EIF4G3: variants seen among roughly 807,000 people sequenced by gnomAD.
EIF4G3 encodes eukaryotic translation initiation factor 4 gamma 3.
Under a neutral mutation model 186.4 loss-of-function variants are expected in EIF4G3, and 34 were observed. The ratio of observed to expected loss-of-function variants is 0.18; its 90% confidence interval spans 0.14 to 0.24. The LOEUF is 0.24. EIF4G3 is among the 10% of genes least tolerant of loss of function. EIF4G3 has a pLI of 1.00. For synonymous variants in EIF4G3, 673 were observed against 679.5 expected, an observed-to-expected ratio of 0.99 and a Z score of 0.15; for missense variants, 1,536 against 1,948.5, an observed-to-expected ratio of 0.79 and a Z score of 3.99.
At chr1:20,906,423 T>G (rs2092111672) in intron 14 of EIF4G3, among the ~76,000 whole-genome samples, 1 of 152,220 alleles carries the variant, frequency 6.6e-6, no homozygotes. Flanking sequence ...GAATCTGTAA[T>G]TTTATTTTGT....
In EIF4G3 at chr1:21,052,960, G is replaced by GC. The variant is rs2094328104; in HGVS notation, c.-195-1967dup. ...CTCCACCTCCCAGCTGCCTGCCTTG[G>GC]CCCCGCAAAGTGCCGAGATTGCAGC... On this transcript the variant is annotated intron_variant, in intron 3 of 36. Transcript: ENST00000602326. Among the ~76,000 whole-genome samples, 7 of 152,224 alleles carry GC rather than the reference G, an allele frequency of 4.6e-5. 1 individual carries two copies. In the South Asian group the frequency reaches 1.4e-3, roughly 32 times the overall value.
intron 3 of EIF4G3, among the ~76,000 whole-genome samples, chr1:21,085,333 T>C (rs908431793): frequency 6.6e-6 from 1 of 152,180 alleles, no homozygotes; most frequent in Non-Finnish European, 1.5e-5. Flanking sequence ...TTTTGCATAG[T>C]ACTTTTTGAA....
At chr1:21,072,842 G>A (rs1439979120) in intron 3 of EIF4G3, among the ~76,000 whole-genome samples, 1 of 152,132 alleles carries the variant, frequency 6.6e-6, no homozygotes, top group Admixed American at 6.5e-5. Context: ...TGTAAGAATA[G>A]AATACTTACT....
chr1:20,901,235 G>A (rs981610872), intron 15 of EIF4G3, among the ~76,000 whole-genome samples: 15 of 152,008 alleles, frequency 9.9e-5, no homozygotes, highest in Non-Finnish European at 1.5e-4. Flanking sequence ...CAGAAAGTAG[G>A]TATCATTTAA....
At chr1:21,065,603 A>C (rs2320826) in intron 3 of EIF4G3, among the ~76,000 whole-genome samples, 66,100 of 151,384 alleles carry the variant, frequency 0.44, 14,763 homozygotes, top group Non-Finnish European at 0.47. Flanking sequence ...AAAAAATGAG[A>C]ATGGGTTTTG....
At chr1:20,943,965 T>G (rs2095817137) in intron 13 of EIF4G3, among the ~76,000 whole-genome samples, 1 of 24,138 alleles carries the variant, frequency 4.1e-5, no homozygotes, top group Non-Finnish European at 1.2e-4. Flanking sequence ...AAACTTGTCT[T>G]TATTTTTTTT....
At chr1:20,918,843 C>A (rs377725700) in intron 14 of EIF4G3, among the ~76,000 whole-genome samples, 1 of 151,702 alleles carries the variant, frequency 6.6e-6, no homozygotes, top group East Asian at 1.9e-4. Context: ...CTGCACCCAG[C>A]CTATACTAGT....
In EIF4G3 at chr1:20,827,609, A is replaced by G; in HGVS notation, c.4269+8T>C. ...ACTGTTGAGTCTGACACTCAGTGTA[A>G]CACTCACCATTTGTTTGCATAGTAG... On this transcript the variant is annotated splice_region_variant and intron_variant, in intron 32 of 36. Coordinates refer to ENST00000602326, the MANE Select transcript of EIF4G3 (RefSeq NM_001391906.1). The G allele has an allele frequency of 6.4e-7, 1 of 1,573,086 alleles. No individual in the cohort carries two copies. Among genetic ancestry groups the G allele is most frequent in the East Asian group, 2.2e-5 (1 of 44,620 alleles).
intron 2 of EIF4G3, among the ~76,000 whole-genome samples, chr1:21,106,152 C>G (rs1374781175): frequency 6.6e-6 from 1 of 150,788 alleles, no homozygotes; most frequent in East Asian, 2.0e-4. Flanking sequence ...GAAGCTACAT[C>G]ACTGAGAGGC....
chr1:21,052,612 G>C (rs1057164734), intron 3 of EIF4G3, among the ~76,000 whole-genome samples: 1 of 151,238 alleles, frequency 6.6e-6, no homozygotes, highest in Non-Finnish European at 1.5e-5. Flanking sequence ...CTCTTTCCAC[G>C]GTCTCCCCCT....
At chr1:20,890,012 A>C (rs2085487645) in intron 18 of EIF4G3, among the ~76,000 whole-genome samples, 1 of 150,798 alleles carries the variant, frequency 6.6e-6, no homozygotes, top group African/African-American at 2.4e-5. Context: ...TTGCTTTGTC[A>C]CCCAGGCTGG....
chr1:21,155,442 T>C (rs1316542778), intron 2 of EIF4G3, among the ~76,000 whole-genome samples: 1 of 152,156 alleles, frequency 6.6e-6, no homozygotes, highest in Non-Finnish European at 1.5e-5. Flanking sequence ...AAATCTTTTA[T>C]TGAAAACTCC....
intron 4 of EIF4G3, among the ~76,000 whole-genome samples, chr1:21,023,724 C>T (rs75867710): frequency 0.027 from 4,106 of 150,030 alleles, 84 homozygotes; most frequent in Non-Finnish European, 0.038. Flanking sequence ...CGCCCATCGT[C>T]TGGGATGTGA....
In EIF4G3 at chr1:21,163,657, T is replaced by C. The variant is rs965913017; in HGVS notation, c.-272+12518A>G. ...ATCCAAAACAAATAAACTGTTTTTA[T>C]TACACCTAAGGGTAACAAAATAACC... is the stretch of plus-strand genomic sequence containing the variant. On this transcript the variant is annotated intron_variant, in intron 2 of 36. Coordinates refer to ENST00000602326, the MANE Select transcript of EIF4G3 (RefSeq NM_001391906.1). Among the ~76,000 whole-genome samples, 16 of 152,256 alleles carry C rather than the reference T, an allele frequency of 1.1e-4. 1 individual carries two copies. Among genetic ancestry groups the C allele is most frequent in the South Asian group, 2.1e-4 (1 of 4,836 alleles).
At chr1:20,971,106 G>A (rs151263887) in intron 11 of EIF4G3, among the ~76,000 whole-genome samples, 617 of 152,310 alleles carry the variant, frequency 4.1e-3, no homozygotes, top group Middle Eastern at 0.014. Context: ...GCTTAAAGAT[G>A]TCAGTGGAGT....
chr1:20,814,390 T>C (rs1450727967), intron 34 of EIF4G3, among the ~76,000 whole-genome samples: 2 of 152,222 alleles, frequency 1.3e-5, no homozygotes, highest in East Asian at 1.9e-4. Flanking sequence ...TTCAGGGTCC[T>C]TCCCACTGCC....
At chr1:21,101,488 C>A (rs2096518423) in intron 2 of EIF4G3, among the ~76,000 whole-genome samples, 2 of 133,376 alleles carry the variant, frequency 1.5e-5, no homozygotes, top group South Asian at 5.1e-4. Flanking sequence ...TAGAATCACT[C>A]GAACCCAGGA....
At chr1:20,863,144 T>G (rs894769151) in intron 22 of EIF4G3, among the ~76,000 whole-genome samples, 4 of 152,134 alleles carry the variant, frequency 2.6e-5, no homozygotes, top group Admixed American at 6.5e-5. Flanking sequence ...ACTACATTTT[T>G]CTAGGCTCCT....
intron 3 of EIF4G3, among the ~76,000 whole-genome samples, chr1:21,063,154 A>C (rs1024608914): frequency 3.9e-5 from 6 of 152,154 alleles, no homozygotes; most frequent in African/African-American, 1.4e-4. Context: ...CCCAAGCTCA[A>C]TCAATCCTCT....
Sources: gnomAD v4.1 joint callset for allele counts (sites outside exome capture counted in the v4.1 genomes callset) on GRCh38, gnomAD v4.1.1 for gene constraint, MANE v1.5 for transcripts, NCBI Gene and HGNC (gene_info 2026-07-23, HGNC 2026-07-21) for gene names.